LMF1: variants seen among roughly 807,000 people sequenced by gnomAD.
LMF1 encodes the protein transmembrane protein 112.
Under a neutral mutation model 60.6 loss-of-function variants are expected in LMF1, and 68 were observed. The ratio of observed to expected loss-of-function variants is 1.12; its 90% CI spans 0.92 to 1.37. The LOEUF is 1.37. Among genes scored for constraint, LMF1 ranks in the 40% most tolerant of loss-of-function variants. The pLI, the probability that LMF1 is intolerant of heterozygous loss-of-function variation, is 0.00. For missense variants in LMF1, 948 were observed against 767.2 expected (o/e 1.24, Z -2.78); for synonymous variants, 418 against 324.7 (o/e 1.29, Z -3.09).
chr16:943,037 A>G (rs2072145476), intron 2 of LMF1, among the ~76,000 whole-genome samples: 1 of 152,230 alleles, frequency 6.6e-6, no homozygotes, highest in African/African-American at 2.4e-5. Flanking sequence ...CAGATACTGT[A>G]CTTTTCAGTT....
At chr16:861,776 C>T (rs977667509) in intron 10 of LMF1, among the ~76,000 whole-genome samples, 57 of 152,320 alleles carry the variant, frequency 3.7e-4, no homozygotes, top group African/African-American at 1.3e-3. Flanking sequence ...CCTTTTCTTT[C>T]CTTGTCCTGC....
chr16:887,376 G>A (rs576365305), intron 5 of LMF1, among the ~76,000 whole-genome samples: 113 of 152,362 alleles, frequency 7.4e-4, no homozygotes, highest in African/African-American at 2.5e-3. Context: ...GATACACTGC[G>A]TGGAAGCTGG....
At chr16:977,427 C>T (rs1020694650) in intron 1 of LMF1, among the ~76,000 whole-genome samples, 2 of 152,206 alleles carry the variant, frequency 1.3e-5, no homozygotes, top group African/African-American at 4.8e-5. Flanking sequence ...ACAGCCTGCG[C>T]CGGCCCAGCC....
At chr16:869,858 G>A (rs753251625) in intron 9 of LMF1, 25 bp downstream of exon 9, 11 of 1,602,558 alleles carry the variant, frequency 6.9e-6, no homozygotes, top group South Asian at 1.1e-5. Flanking sequence ...GCAGGTCCAT[G>A]CGCCCGCCAG....
intron 6 of LMF1, chr16:872,431 G>A (rs1309938388): frequency 6.6e-6 from 1 of 152,290 alleles, no homozygotes; most frequent in Admixed American, 6.5e-5. Context: ...TGGGTGAATT[G>A]GGAAAAATAG....
At chr16:970,118 C>G (rs1469070705) in intron 1 of LMF1, among the ~76,000 whole-genome samples, 2 of 152,232 alleles carry the variant, frequency 1.3e-5, no homozygotes, top group Non-Finnish European at 2.9e-5. Context: ...CCCAGACCTC[C>G]GCTGGGAATC....
intron 9 of LMF1, chr16:869,579 T>A (rs1382970058): frequency 3.2e-6 from 2 of 622,892 alleles, no homozygotes; most frequent in Admixed American, 4.2e-5. Context: ...CCTCAGCTGC[T>A]GGCTAACTTT....
intron 3 of LMF1, among the ~76,000 whole-genome samples, chr16:922,393 G>A (rs2071456264): frequency 6.6e-6 from 1 of 152,230 alleles, no homozygotes; most frequent in Non-Finnish European, 1.5e-5. Flanking sequence ...AGGCAGAGCG[G>A]CCACTGGGGA....
intron 4 of LMF1, among the ~76,000 whole-genome samples, chr16:902,738 G>T (rs1343916643): frequency 2.3e-5 from 3 of 130,156 alleles, no homozygotes; most frequent in Non-Finnish European, 4.9e-5. Flanking sequence ...CCCACAGGAC[G>T]CCTGTCTCTG....
intron 1 of LMF1, 33 bp from the exon 2 acceptor site, chr16:954,699 T>C (rs767475034): frequency 6.4e-7 from 1 of 1,550,946 alleles, no homozygotes; most frequent in Non-Finnish European, 8.7e-7. Context: ...CAAGCATGAC[T>C]AGGAACAAAC....
At position 868,948 on chromosome 16, in the gene LMF1, G is replaced by T. The variant is rs989431710; in HGVS notation, c.1525C>A (p.Pro509Thr). Residue 509 changes from proline (P) to threonine (T), a missense_variant, in exon 10 of 11, where the codon CCC (proline) becomes ACC (threonine). Coordinates refer to ENST00000262301, the MANE Select transcript of LMF1 (RefSeq NM_022773.4). ...AHNPFAGRPPPRWVRGEHYRY... is the reference protein window; with the variant it reads ...AHNPFAGRPPTRWVRGEHYRY... The stretch of plus-strand genomic sequence containing the variant: ...GCGGCAGGGAGGGCATCCTACCTGG[G>T]CGGGGGCCTGCCCGCGAAGGGGTTG... 4.4e-6 allele frequency: 7 copies of T among 1,606,428 alleles called. No homozygotes were observed. Among genetic ancestry groups the T allele is most frequent in the Non-Finnish European group, 6.0e-6 (7 of 1,175,464 alleles).
At chr16:873,241 C>G (rs1156412542) in intron 6 of LMF1, 1 of 152,402 alleles carries the variant, frequency 6.6e-6, no homozygotes, top group Non-Finnish European at 1.5e-5. Context: ...CCTTGTTTTT[C>G]TTCTAGCATC....
rs559878351 is a variant in LMF1 at position 874,130 on chromosome 16, C to T, written c.898-2789G>A. On this transcript the variant is annotated intron_variant, in intron 6 of 10. Transcript: ENST00000262301. The surrounding 1 kb of genome is among the most constrained non-coding windows in gnomAD (Gnocchi z 4.1). ...GGCGGCGGTTGCATCACGCTGTGAACGTGCTGGAGGCCCCCGAGTTCACTT... is the reference window on the plus strand; with the variant it reads ...GGCGGCGGTTGCATCACGCTGTGAATGTGCTGGAGGCCCCCGAGTTCACTT... Among the ~76,000 whole-genome samples, 612 of 152,262 alleles carry T rather than the reference C, an allele frequency of 4.0e-3. 4 individuals are homozygous for T. The highest frequency in any genetic ancestry group is 0.017 in the Middle Eastern group (5 of 294).
intron 10 of LMF1, among the ~76,000 whole-genome samples, chr16:862,994 A>C (rs1366180279): frequency 2.0e-5 from 3 of 152,230 alleles, no homozygotes; most frequent in Admixed American, 2.0e-4. Context: ...TTAAAATGAC[A>C]AATTCAATTT....
intron 1 of LMF1, among the ~76,000 whole-genome samples, chr16:964,640 A>G (rs2072886835): frequency 6.6e-6 from 1 of 152,260 alleles, no homozygotes; most frequent in African/African-American, 2.4e-5. Flanking sequence ...AGAGCCACTG[A>G]AAGCTCAGAA....
At chr16:923,103 A>C (rs200244539) in intron 3 of LMF1, among the ~76,000 whole-genome samples, 1 of 104,826 alleles carries the variant, frequency 9.5e-6, no homozygotes, top group Non-Finnish European at 2.2e-5. Context: ...CCTGTGTGAA[A>C]GTCGCCTGGG....
At chr16:942,099 TG>T (rs1567283734) in intron 2 of LMF1, among the ~76,000 whole-genome samples, 1 of 152,242 alleles carries the variant, frequency 6.6e-6, no homozygotes, top group East Asian at 1.9e-4. Flanking sequence ...GTGTGTCTGC[TG>T]GCAAAGCCTT....
intron 4 of LMF1, among the ~76,000 whole-genome samples, chr16:893,993 C>CCCGCTGT (rs1567196843): frequency 1.3e-5 from 2 of 151,294 alleles, no homozygotes; most frequent in Non-Finnish European, 2.9e-5. Context: ...ACCTGTCCAC[C>CCCGCTGT]CCACTGTCCA....
At chr16:869,381 A>T (rs1321314491) in intron 9 of LMF1, 3 of 599,686 alleles carry the variant, frequency 5.0e-6, no homozygotes, top group Admixed American at 2.1e-5. Flanking sequence ...GGGAGGACAG[A>T]AACAGCAGCT....
Sources: allele counts gnomAD v4.1 joint callset (sites outside exome capture counted in the v4.1 genomes callset), GRCh38; gene constraint gnomAD v4.1.1; non-coding constraint Gnocchi (gnomAD v3.1); transcripts MANE v1.5; gene names NCBI Gene and HGNC (gene_info 2026-07-23, HGNC 2026-07-21).